RHCE: variants seen among roughly 807,000 people sequenced by gnomAD.
RHCE encodes Rh blood group CcEe antigens.
A neutral mutation model predicts 43.8 loss-of-function variants in RHCE; 22 were observed. That is an observed-to-expected ratio of 0.50 (90% CI 0.36 to 0.72). RHCE has a LOEUF of 0.72. RHCE is among the 30% of genes least tolerant of loss of function. RHCE has a pLI of 0.00. For synonymous variants in RHCE, 156 were observed against 210.7 expected (o/e 0.74, Z 2.25); for missense variants, 385 against 525.4 (o/e 0.73, Z 2.61).
At chr1:25,387,283 G>C (rs567308369) in intron 6 of RHCE, among the ~76,000 whole-genome samples, 256 of 152,218 alleles carry the variant, frequency 1.7e-3, no homozygotes, top group South Asian at 1.9e-3. Flanking sequence ...GTCAACACTT[G>C]GCTGTCAACC....
At chr1:25,370,988 T>A (rs1018930700) in intron 8 of RHCE, among the ~76,000 whole-genome samples, 1 of 146,860 alleles carries the variant, frequency 6.8e-6, no homozygotes, top group Admixed American at 6.9e-5. Flanking sequence ...ACTCCTGACC[T>A]CAGGTGATCC....
chr1:25,378,123 T>C (rs1219594841), intron 7 of RHCE, among the ~76,000 whole-genome samples: 2 of 152,140 alleles, frequency 1.3e-5, no homozygotes, highest in African/African-American at 4.8e-5. Flanking sequence ...ATGTAAAAAA[T>C]AGGTTTCACT....
At chr1:25,384,687 C>T (rs1299079699) in intron 7 of RHCE, among the ~76,000 whole-genome samples, 5 of 152,136 alleles carry the variant, frequency 3.3e-5, no homozygotes. Flanking sequence ...ATCCAAGAAC[C>T]GGAAGGAACC....
At chr1:25,416,270 C>A (rs938732006) in intron 1 of RHCE, among the ~76,000 whole-genome samples, 6 of 151,826 alleles carry the variant, frequency 4.0e-5, no homozygotes, top group African/African-American at 1.5e-4. Context: ...TTTTTATTTT[C>A]ATTTTTTTTT....
intron 7 of RHCE, among the ~76,000 whole-genome samples, chr1:25,383,485 A>G (rs1189930892): frequency 6.6e-6 from 1 of 152,146 alleles, no homozygotes; most frequent in Non-Finnish European, 1.5e-5. Context: ...TCTATTGCTA[A>G]ATCTGCACAG....
At chr1:25,419,529 G>A (rs902224338) in intron 1 of RHCE, among the ~76,000 whole-genome samples, 3 of 152,060 alleles carry the variant, frequency 2.0e-5, no homozygotes, top group African/African-American at 7.2e-5. Flanking sequence ...ACTCAACCAG[G>A]CTCAAGCTTC....
intron 7 of RHCE, among the ~76,000 whole-genome samples, chr1:25,378,704 A>G (rs190774330): frequency 1.3e-5 from 2 of 152,252 alleles, no homozygotes; most frequent in East Asian, 3.9e-4. Context: ...ACTCTTTTTC[A>G]TAAAGGCATA....
At chr1:25,425,382 G>T (rs1378425052), upstream of RHCE, among the ~76,000 whole-genome samples, 2 of 152,166 alleles carry the variant, frequency 1.3e-5, no homozygotes, top group Non-Finnish European at 1.5e-5. Context: ...GGAAACTGCT[G>T]CTCAGAGAGG....
intron 1 of RHCE, among the ~76,000 whole-genome samples, chr1:25,429,391 G>C (rs937300575): frequency 6.6e-6 from 1 of 152,034 alleles, no homozygotes; most frequent in Non-Finnish European, 1.5e-5. Context: ...CTGACCTCGT[G>C]ATCTACCCGC....
Position 25,406,750 on chromosome 1 carries a change from C to T in RHCE, c.335+1933G>A, listed in dbSNP as rs1176879229. Among the ~76,000 whole-genome samples, 9 of 119,520 alleles carry T rather than the reference C, an allele frequency of 7.5e-5. 1 individual carries two copies. The highest frequency in any genetic ancestry group is 2.3e-4 in the African/African-American group (9 of 38,964). 78.4% of individuals were successfully genotyped at this position (119,520 alleles called of 152,430 possible). A position where few individuals can be genotyped will look rare whatever the true frequency, so the allele number is the denominator to read the frequency against. On this transcript the variant is annotated intron_variant, in intron 2 of 9. Transcript: ENST00000294413. ...ACGCCATTCTCCTGCCTCAGCCTCC[C>T]GAGTGGCTGGGACTACAGGCGCCCG...
chr1:25,415,284 C>G (rs2124529230), intron 1 of RHCE, among the ~76,000 whole-genome samples: 1 of 152,292 alleles, frequency 6.6e-6, no homozygotes, highest in African/African-American at 2.4e-5. Flanking sequence ...AGAAAATGCT[C>G]AATACAATCA....
chr1:25,382,739 A>C (rs566459381), intron 7 of RHCE, among the ~76,000 whole-genome samples: 435 of 152,162 alleles, frequency 2.9e-3, no homozygotes, highest in Non-Finnish European at 5.1e-3. Flanking sequence ...GTGGCTCGGA[A>C]TGAGTGGCTC....
At chr1:25,394,695 T>G (rs2375321) in intron 3 of RHCE, among the ~76,000 whole-genome samples, 138 of 152,268 alleles carry the variant, frequency 9.1e-4, no homozygotes, top group African/African-American at 3.2e-3. Flanking sequence ...ATCTGTGAAG[T>G]GAACAAATGA....
In RHCE at chr1:25,374,113, G is replaced by A. The variant is rs184085226; in HGVS notation, c.1153+1236C>T. On this transcript the variant is annotated intron_variant, in intron 8 of 9. Coordinates refer to ENST00000294413, the MANE Select transcript of RHCE (RefSeq NM_020485.8). ...TGGGATTACAGGCGTGAGCCACTGT[G>A]CCTGGCCTGAATGTGTATTTTCTTT... Among the ~76,000 whole-genome samples the A allele has an allele frequency of 8.6e-5, 13 of 150,768 alleles. No individual in the cohort carries two copies. The East Asian group carries it at 9.7e-4, about 11-fold the overall frequency.
chr1:25,390,162 C>A (rs189680230), intron 5 of RHCE, among the ~76,000 whole-genome samples: 134 of 152,252 alleles, frequency 8.8e-4, no homozygotes, highest in South Asian at 4.4e-3. Flanking sequence ...CCCATCTCTG[C>A]CCACAAGACT....
chr1:25,424,661 T>C (rs1296734189), upstream of RHCE, among the ~76,000 whole-genome samples: 2 of 151,994 alleles, frequency 1.3e-5, no homozygotes, highest in Non-Finnish European at 2.9e-5. Flanking sequence ...GTGCTGGGAT[T>C]ATAAGTGTGA....
intron 3 of RHCE, among the ~76,000 whole-genome samples, chr1:25,399,444 A>T (rs977596243): frequency 6.6e-6 from 1 of 152,146 alleles, no homozygotes; most frequent in Non-Finnish European, 1.5e-5. Context: ...CCAGCTTCTT[A>T]TAAGACTCAC....
At position 25,420,771 on chromosome 1, in the gene RHCE, G is replaced by C; in HGVS notation, c.16C>G (p.Pro6Ala). Residue 6 changes from proline (P) to alanine (A), a missense_variant, in exon 1 of 10, where the codon CCG becomes GCG. Coordinates refer to ENST00000294413, the MANE Select transcript of RHCE (RefSeq NM_020485.8). MSSKYPRSVRRCLPLC... is the reference protein window; with the variant it reads MSSKYARSVRRCLPLC... The stretch of plus-strand genomic sequence containing the variant: ...GGCAGGCAGCGCCGGACAGACCGCG[G>C]GTACTTAGAGCTCATCCTGTGTCCG... 2 of 1,608,728 alleles carry C rather than the reference G, an allele frequency of 1.2e-6. No individual in the cohort carries two copies. The highest frequency in any genetic ancestry group is 1.7e-5 in the Admixed American group (1 of 59,380).
At chr1:25,380,207 G>C (rs1645951638) in intron 7 of RHCE, among the ~76,000 whole-genome samples, 1 of 139,716 alleles carries the variant, frequency 7.2e-6, no homozygotes, top group South Asian at 2.6e-4. Context: ...AGGGAAAAAG[G>C]GTAACTGGTT....
Sources: allele counts gnomAD v4.1 joint callset (sites outside exome capture counted in the v4.1 genomes callset), GRCh38; gene constraint gnomAD v4.1.1; transcripts MANE v1.5; gene names NCBI Gene and HGNC (gene_info 2026-07-23, HGNC 2026-07-21).